Variants in MEGF11 observed in about 807,000 individuals in gnomAD.
MEGF11 encodes the protein multiple epidermal growth factor-like domains protein 11.
Under a neutral mutation model 146.6 loss-of-function variants are expected in MEGF11, and 126 were observed. The ratio of observed to expected loss-of-function variants is 0.86; its 90% CI spans 0.74 to 1.00. The LOEUF is 1.00. MEGF11 is among the 50% of genes least tolerant of loss of function. The probability of loss-of-function intolerance (pLI) is 0.00; values close to 1 mark genes in which losing one functional copy is unlikely to be tolerated. For missense variants in MEGF11, 1,509 were observed against 1,521.2 expected (o/e 0.99, Z 0.13); for synonymous variants, 532 against 583.4 (o/e 0.91, Z 1.27).
Position 65,913,595 on chromosome 15 carries a change from C to G in MEGF11, c.2710+142G>C, listed in dbSNP as rs1333461006. 4.9e-5 allele frequency: 36 copies of G among 730,496 alleles called. No individual in the cohort carries two copies. In the South Asian group the frequency reaches 5.9e-4, roughly 12 times the overall value. 45.3% of individuals were successfully genotyped at this position (730,496 alleles called of 1,614,324 possible). Reference sequence around the variant, plus strand: ...CCCAGATATCTTCTCTAGGTAGGCTCCTGCTCCCCATCCCCACTGTCACTC... The same window carrying G: ...CCCAGATATCTTCTCTAGGTAGGCTGCTGCTCCCCATCCCCACTGTCACTC... On this transcript the variant is annotated intron_variant, in intron 20 of 25. Transcript: ENST00000395614.
At chr15:66,186,030 T>C (rs11636260) in intron 1 of MEGF11, among the ~76,000 whole-genome samples, 1 of 151,814 alleles carries the variant, frequency 6.6e-6, no homozygotes, top group Non-Finnish European at 1.5e-5. Context: ...TGGGGAGAGG[T>C]GGGGGCAGCC....
intron 4 of MEGF11, among the ~76,000 whole-genome samples, chr15:66,099,533 C>T (rs1281426553): frequency 6.6e-6 from 1 of 152,156 alleles, no homozygotes; most frequent in Non-Finnish European, 1.5e-5. Context: ...TATTCCAAGG[C>T]AGCAATGCAT....
At chr15:66,169,730 C>T (rs1326051681) in intron 1 of MEGF11, among the ~76,000 whole-genome samples, 3 of 152,236 alleles carry the variant, frequency 2.0e-5, no homozygotes, top group Admixed American at 6.5e-5. Flanking sequence ...AAGAAGGCAT[C>T]GTAGACCAGG....
intron 4 of MEGF11, among the ~76,000 whole-genome samples, chr15:66,095,809 CA>C (rs1207538717): frequency 1.3e-5 from 2 of 152,218 alleles, no homozygotes; most frequent in African/African-American, 4.8e-5. Context: ...TTCTGATTGC[CA>C]CAGGTAGCCT....
At chr15:65,916,606 C>T in intron 17 of MEGF11, 1 of 836,840 alleles carries the variant, frequency 1.2e-6, no homozygotes, top group East Asian at 2.7e-5. Context: ...ACCTTGCAGC[C>T]CTGACCTTCC....
At chr15:66,112,246 T>C (rs2087467146) in intron 4 of MEGF11, among the ~76,000 whole-genome samples, 1 of 151,638 alleles carries the variant, frequency 6.6e-6, no homozygotes, top group Non-Finnish European at 1.5e-5. Context: ...TTTAAAATAA[T>C]TAAAGCAATA....
chr15:66,060,172 C>A (rs192909249), intron 5 of MEGF11, among the ~76,000 whole-genome samples: 3 of 150,944 alleles, frequency 2.0e-5, no homozygotes, highest in South Asian at 2.1e-4. Context: ...GTGGGGTTGA[C>A]GGCTAAGGAG....
intron 17 of MEGF11, chr15:65,916,597 C>T (rs2079005685): frequency 1.3e-6 from 1 of 777,318 alleles, no homozygotes; most frequent in Non-Finnish European, 2.1e-6. Flanking sequence ...TGCTGGAGTA[C>T]CTTGCAGCCC....
At chr15:66,122,994 A>G (rs1054273789) in intron 3 of MEGF11, among the ~76,000 whole-genome samples, 4 of 152,162 alleles carry the variant, frequency 2.6e-5, no homozygotes, top group African/African-American at 4.8e-5. Flanking sequence ...TGTGTTAGCC[A>G]GGATGATCTC....
At chr15:65,922,606 C>A in intron 14 of MEGF11, 134 bp from the exon 15 acceptor site, 15 of 1,366,994 alleles carry the variant, frequency 1.1e-5, no homozygotes, top group Non-Finnish European at 1.5e-5. Context: ...GCATCCCTTT[C>A]TGCAGAGAAG....
At chr15:66,045,268 AC>A (rs1254033057) in intron 5 of MEGF11, among the ~76,000 whole-genome samples, 1 of 152,086 alleles carries the variant, frequency 6.6e-6, no homozygotes, top group African/African-American at 2.4e-5. Context: ...AGCCTCTCAT[AC>A]CTCACTGCTC....
intron 1 of MEGF11, among the ~76,000 whole-genome samples, chr15:66,147,899 A>G (rs146306926): frequency 2.0e-5 from 3 of 152,340 alleles, no homozygotes; most frequent in African/African-American, 7.2e-5. Flanking sequence ...AAAAAAGTGA[A>G]TGCTCATTAA....
At chr15:66,138,548 G>A (rs568608955) in intron 1 of MEGF11, among the ~76,000 whole-genome samples, 5 of 152,256 alleles carry the variant, frequency 3.3e-5, no homozygotes, top group African/African-American at 4.8e-5. Context: ...CTTGCAGCCC[G>A]GTCGGGTCAC....
intron 5 of MEGF11, among the ~76,000 whole-genome samples, chr15:66,075,309 G>A (rs556527260): frequency 1.3e-5 from 2 of 152,152 alleles, no homozygotes; most frequent in Non-Finnish European, 2.9e-5. Context: ...TTACAGCAAG[G>A]GCTCTATGGA....
At chr15:65,931,715 A>G (rs1344736280) in intron 10 of MEGF11, among the ~76,000 whole-genome samples, 2 of 152,196 alleles carry the variant, frequency 1.3e-5, no homozygotes, top group African/African-American at 4.8e-5. Context: ...CCATAACCCC[A>G]TGACACGAGT....
intron 5 of MEGF11, among the ~76,000 whole-genome samples, chr15:66,005,557 G>A (rs2082496518): frequency 6.6e-6 from 1 of 152,214 alleles, no homozygotes; most frequent in Non-Finnish European, 1.5e-5. Flanking sequence ...AGTTAAGCTG[G>A]AAGAATCCTT....
intron 5 of MEGF11, among the ~76,000 whole-genome samples, chr15:66,091,963 C>T (rs189142104): frequency 6.6e-6 from 1 of 152,302 alleles, no homozygotes; most frequent in East Asian, 1.9e-4. Context: ...TTCTGTGCAG[C>T]CTCAATGGCT....
chr15:66,246,906 C>T (rs2092303554), intron 1 of MEGF11, among the ~76,000 whole-genome samples: 1 of 152,092 alleles, frequency 6.6e-6, no homozygotes, highest in Non-Finnish European at 1.5e-5. Context: ...ACCAGGAATC[C>T]AGGGCTGGCG....
chr15:66,102,214 G>T (rs111575521), intron 4 of MEGF11, among the ~76,000 whole-genome samples: 18 of 2,146 alleles, frequency 8.4e-3, no homozygotes, highest in Non-Finnish European at 0.064. Flanking sequence ...GGATTTTCTC[G>T]GCCGAGCTGT....
Sources: gnomAD v4.1 joint callset for allele counts (sites outside exome capture counted in the v4.1 genomes callset) on GRCh38, gnomAD v4.1.1 for gene constraint, MANE v1.5 for transcripts, NCBI Gene and HGNC (gene_info 2026-07-23, HGNC 2026-07-21) for gene names.